ZSCAN5A: variants seen among roughly 807,000 people sequenced by gnomAD.
ZSCAN5A encodes zinc finger and SCAN domain-containing protein 5A.
In ZSCAN5A, 12 loss-of-function variants were observed where a neutral mutation model predicts 23.7. The ratio of observed to expected loss-of-function variants is 0.51; its 90% CI spans 0.32 to 0.82. The LOEUF (loss-of-function observed/expected upper bound fraction) is 0.82. Ranked by LOEUF, ZSCAN5A falls within the 40% of genes least tolerant of loss-of-function variation. The probability of loss-of-function intolerance (pLI) is 0.03; values close to 1 mark genes in which losing one functional copy is unlikely to be tolerated. For synonymous variants in ZSCAN5A, 257 were observed against 239.9 expected (o/e 1.07, Z -0.66); for missense variants, 597 against 617.9 (o/e 0.97, Z 0.36).
At chr19:56,327,308 G>T (rs1055990992) in intron 2 of ZSCAN5A, among the ~76,000 whole-genome samples, 1 of 151,828 alleles carries the variant, frequency 6.6e-6, no homozygotes, top group Non-Finnish European at 1.5e-5. Context: ...ATAGAAATGG[G>T]GTCTTGCTAT....
At chr19:56,365,421 C>G (rs1461827122) in intron 1 of ZSCAN5A, among the ~76,000 whole-genome samples, 1 of 152,196 alleles carries the variant, frequency 6.6e-6, no homozygotes, top group Admixed American at 6.5e-5. Flanking sequence ...AATAGACACG[C>G]AGTTTCCCTA....
At chr19:56,302,195 G>A (rs1200987118) in intron 2 of ZSCAN5A, 35 of 839,606 alleles carry the variant, frequency 4.2e-5, no homozygotes, top group East Asian at 3.4e-5. Context: ...CCTCAGAGGT[G>A]CCAAGCAGGA....
intron 2 of ZSCAN5A, among the ~76,000 whole-genome samples, chr19:56,355,762 TTTA>T (rs1265287642): frequency 6.7e-6 from 1 of 148,864 alleles, no homozygotes; most frequent in Non-Finnish European, 1.5e-5. Context: ...TTCCTGATTA[TTTA>T]TTAACTTAGA....
rs930804885 is a variant in ZSCAN5A, at chr19:56,221,522, A to C, written c.*53T>G. 1.3e-6 allele frequency: 2 copies of C among 1,524,358 alleles called. No homozygotes were observed. The highest frequency in any genetic ancestry group is 1.4e-5 in the African/African-American group (1 of 71,894). The allele number at this position is 1,524,358 out of a possible 1,614,324, so 94.4% of individuals were successfully genotyped here. A position where few individuals can be genotyped will look rare whatever the true frequency, so the allele number is the denominator to read the frequency against. On this transcript the variant is annotated 3_prime_UTR_variant, in exon 6 of 6. Transcript: ENST00000683990. The stretch of plus-strand genomic sequence containing the variant: ...CAAATGTCATCTGATAACATTGATG[A>C]AAAATATCATTCACTTCTTCTTGGT...
At chr19:56,245,249 T>C in intron 2 of ZSCAN5A, 1 of 657,124 alleles carries the variant, frequency 1.5e-6, no homozygotes, top group South Asian at 1.5e-5. Flanking sequence ...TGGCAAGGAA[T>C]ATCTTATGCA....
At chr19:56,230,782 C>T (rs1049641110) in intron 2 of ZSCAN5A, among the ~76,000 whole-genome samples, 2 of 152,100 alleles carry the variant, frequency 1.3e-5, no homozygotes, top group African/African-American at 2.4e-5. Flanking sequence ...AATAAAAATG[C>T]ATTTACTATT....
chr19:56,223,617 C>T lies in ZSCAN5A; in HGVS notation c.588+14G>A, dbSNP rs369869219. ...TCCCACCTCTGCCCAGACACCAAGG[C>T]CTCACACACTCACCTGCCTCCTGGA... On this transcript the variant is annotated intron_variant, in intron 4 of 5. Transcript: ENST00000683990. 2 of 1,613,186 alleles carry T rather than the reference C, an allele frequency of 1.2e-6. No individual in the cohort carries two copies. Among genetic ancestry groups the T allele is most frequent in the East Asian group, 2.2e-5 (1 of 44,832 alleles).
At chr19:56,244,235 C>G (rs2035674317) in intron 2 of ZSCAN5A, 1 of 1,604,024 alleles carries the variant, frequency 6.2e-7, no homozygotes, top group Middle Eastern at 1.7e-4. Context: ...TCTGAGGAAA[C>G]TCACTGAGCT....
chr19:56,231,690 G>A (rs1034044540), intron 2 of ZSCAN5A, among the ~76,000 whole-genome samples: 5 of 152,192 alleles, frequency 3.3e-5, no homozygotes, highest in African/African-American at 1.2e-4. Context: ...TGAATTTCAC[G>A]TGACATAAAA....
chr19:56,246,879 T>A lies in ZSCAN5A; in HGVS notation c.-127-21706A>T, dbSNP rs770164461. 3.7e-6 allele frequency: 6 copies of A among 1,610,344 alleles called. No homozygotes were observed. In the Admixed American group the frequency reaches 1.0e-4, roughly 27 times the overall value. ...GAGGAGACGCTCTGAATCTGAGATG[T>A]CCCAAAAGAAGCAAACCAGACGCCA... On this transcript the variant is annotated intron_variant, in intron 2 of 5. Transcript: ENST00000683990.
chr19:56,248,802 C>A (rs950511332), intron 2 of ZSCAN5A, among the ~76,000 whole-genome samples: 1 of 152,076 alleles, frequency 6.6e-6, no homozygotes, highest in Non-Finnish European at 1.5e-5. Flanking sequence ...CCCCTAGACT[C>A]CCTCCCCACA....
At chr19:56,324,477 A>T (rs1403137271) in intron 2 of ZSCAN5A, among the ~76,000 whole-genome samples, 1 of 152,134 alleles carries the variant, frequency 6.6e-6, no homozygotes, top group Non-Finnish European at 1.5e-5. Context: ...TCAGAAAGCC[A>T]AAAAATAATG....
intron 2 of ZSCAN5A, among the ~76,000 whole-genome samples, chr19:56,302,555 C>CCCTCCTCCTCCCTTCCTTTTCTT (rs1165919335): frequency 8.4e-5 from 8 of 95,678 alleles, no homozygotes; most frequent in Non-Finnish European, 1.5e-4. Flanking sequence ...GTTCCTCCCT[C>CCCTCCTCCTCCCTTCCTTTTCTT]CCTCCCCCCT....
At chr19:56,249,072 G>C (rs192476745) in intron 2 of ZSCAN5A, among the ~76,000 whole-genome samples, 1 of 151,924 alleles carries the variant, frequency 6.6e-6, no homozygotes, top group East Asian at 1.9e-4. Context: ...TGTATTTCTT[G>C]GTCTAAATTT....
intron 2 of ZSCAN5A, among the ~76,000 whole-genome samples, chr19:56,349,366 C>T (rs190394610): frequency 1.3e-5 from 2 of 152,234 alleles, no homozygotes; most frequent in African/African-American, 2.4e-5. Flanking sequence ...CAACCCCTGA[C>T]GGTCCAGAGG....
chr19:56,263,673 C>T (rs2037271000), intron 2 of ZSCAN5A: 1 of 152,098 alleles, frequency 6.6e-6, no homozygotes, highest in Non-Finnish European at 1.5e-5. Flanking sequence ...TCTACTTCTA[C>T]CTAAAACATC....
At chr19:56,353,628 A>T (rs8102637) in intron 2 of ZSCAN5A, among the ~76,000 whole-genome samples, 1 of 151,540 alleles carries the variant, frequency 6.6e-6, no homozygotes, top group Non-Finnish European at 1.5e-5. Context: ...AAAAAATACA[A>T]AAAATTAGCT....
intron 2 of ZSCAN5A, among the ~76,000 whole-genome samples, chr19:56,254,540 T>C (rs989239062): frequency 6.6e-6 from 1 of 152,204 alleles, no homozygotes; most frequent in African/African-American, 2.4e-5. Context: ...TTCTGAGCTA[T>C]TGTGAATAAC....
chr19:56,366,214 C>T (rs1312537657), intron 1 of ZSCAN5A, among the ~76,000 whole-genome samples: 3 of 151,980 alleles, frequency 2.0e-5, no homozygotes, highest in Non-Finnish European at 4.4e-5. Flanking sequence ...GAGGCCGAGG[C>T]GGGCGGATCA....
Sources: allele counts gnomAD v4.1 joint callset (sites outside exome capture counted in the v4.1 genomes callset), GRCh38; gene constraint gnomAD v4.1.1; transcripts MANE v1.5; gene names NCBI Gene and HGNC (gene_info 2026-07-23, HGNC 2026-07-21).